Variants in STOX2 observed in about 807,000 individuals in gnomAD.
STOX2 encodes storkhead-box protein 2.
In STOX2, 28 loss-of-function variants were observed where a neutral mutation model predicts 60.9. That is an observed-to-expected ratio of 0.46 (90% CI 0.34 to 0.63). The LOEUF (loss-of-function observed/expected upper bound fraction) is 0.63. Ranked by LOEUF, STOX2 falls within the 30% of genes least tolerant of loss-of-function variation. The pLI, the probability that STOX2 is intolerant of heterozygous loss-of-function variation, is 0.01. For missense variants in STOX2, 1,024 were observed against 1,187.7 expected, an observed-to-expected ratio of 0.86 and a Z score of 2.03; for synonymous variants, 472 against 463.9, an observed-to-expected ratio of 1.02 and a Z score of -0.22.
intron 1 of STOX2, among the ~76,000 whole-genome samples, chr4:183,833,391 T>C (rs559527010): frequency 5.9e-5 from 9 of 152,202 alleles, no homozygotes; most frequent in African/African-American, 1.9e-4. Context: ...AAAAAGTTAT[T>C]TCCCCAGGTA....
intron 1 of STOX2, among the ~76,000 whole-genome samples, chr4:183,943,205 C>G (rs1445199757): frequency 2.6e-5 from 4 of 152,180 alleles, no homozygotes; most frequent in Non-Finnish European, 5.9e-5. Flanking sequence ...GTGTTTGCAA[C>G]TTGGCAATCC....
At chr4:183,838,884 T>G (rs973778250) in intron 1 of STOX2, among the ~76,000 whole-genome samples, 3 of 152,258 alleles carry the variant, frequency 2.0e-5, no homozygotes, top group African/African-American at 7.2e-5. Context: ...TGCAGAAGTC[T>G]TCACTTTGGA....
At chr4:183,951,054 A>G (rs1211583436) in intron 1 of STOX2, among the ~76,000 whole-genome samples, 2 of 151,770 alleles carry the variant, frequency 1.3e-5, no homozygotes, top group African/African-American at 4.8e-5. Flanking sequence ...TCTCTACTAA[A>G]AATACAAAAA....
chr4:183,800,610 G>A (rs886733395), intron 1 of STOX2, among the ~76,000 whole-genome samples: 1 of 152,158 alleles, frequency 6.6e-6, no homozygotes, highest in Non-Finnish European at 1.5e-5. Context: ...TTTACAGGAG[G>A]CGCATTACAT....
chr4:183,987,099 A>T (rs1340333766), intron 1 of STOX2, among the ~76,000 whole-genome samples: 1 of 152,172 alleles, frequency 6.6e-6, no homozygotes, highest in Non-Finnish European at 1.5e-5. Flanking sequence ...GAGCGGAGGC[A>T]GCGAGCGGTG....
At chr4:183,819,580 G>T (rs1281564652) in intron 1 of STOX2, among the ~76,000 whole-genome samples, 5 of 130,322 alleles carry the variant, frequency 3.8e-5, no homozygotes, top group African/African-American at 1.5e-4. Context: ...GAGGGGGAGG[G>T]GGAGGGAGAG....
chr4:183,915,219 T>C (rs547090255), intron 1 of STOX2, among the ~76,000 whole-genome samples: 1 of 152,216 alleles, frequency 6.6e-6, no homozygotes, highest in African/African-American at 2.4e-5. Flanking sequence ...ATCCGTCTGA[T>C]GGCCGTAGTT....
chr4:183,820,809 T>C (rs891397717), intron 1 of STOX2, among the ~76,000 whole-genome samples: 3 of 152,010 alleles, frequency 2.0e-5, no homozygotes, highest in African/African-American at 4.8e-5. Context: ...AAAAAAAGAA[T>C]GAAGCTAAGG....
At chr4:183,963,997 G>A (rs1318537074) in intron 1 of STOX2, among the ~76,000 whole-genome samples, 1 of 151,388 alleles carries the variant, frequency 6.6e-6, no homozygotes, top group Admixed American at 6.6e-5. Flanking sequence ...GGATGGTCTC[G>A]ATCTCCTGAC....
intron 1 of STOX2, among the ~76,000 whole-genome samples, chr4:183,953,010 G>A (rs945354533): frequency 3.9e-5 from 6 of 152,162 alleles, no homozygotes; most frequent in African/African-American, 1.4e-4. Flanking sequence ...GACACAGGGA[G>A]GGGAGCATCA....
rs557176843 is a variant in STOX2, at chr4:183,817,376, G to A, written c.364+19321G>A. 1.0e-3 allele frequency among the ~76,000 whole-genome samples: 157 copies of A among 152,298 alleles called. 3 individuals carry two copies. The highest frequency in any genetic ancestry group is 4.3e-4 in the Non-Finnish European group (29 of 68,024). On this transcript the variant is annotated intron_variant, in intron 1 of 2. Transcript: ENST00000513034. ...CCTTTGCATGCTGGCTGCAGGGTCC[G>A]TCCTTTGCTGGCGATCAGTGGGAAG...
At chr4:183,802,132 T>G (rs1738778479) in intron 1 of STOX2, among the ~76,000 whole-genome samples, 1 of 152,286 alleles carries the variant, frequency 6.6e-6, no homozygotes, top group South Asian at 2.1e-4. Flanking sequence ...GGAGCACAGG[T>G]GCATCTCTGT....
chr4:183,934,905 G>A (rs1006017028), intron 1 of STOX2, among the ~76,000 whole-genome samples: 3 of 152,214 alleles, frequency 2.0e-5, no homozygotes, highest in Non-Finnish European at 4.4e-5. Flanking sequence ...TGGGGGTATC[G>A]CTATGAACGC....
In STOX2 at chr4:183,820,819, G is replaced by C. The variant is rs561580507; in HGVS notation, c.364+22764G>C. On this transcript the variant is annotated intron_variant, in intron 1 of 2. Coordinates refer to the STOX2 transcript ENST00000513034. ...AGATTAAAAAAAGAATGAAGCTAAG[G>C]AGTGTTTTGGCAGAGCACGGTGGTT... Among the ~76,000 whole-genome samples the C allele has an allele frequency of 2.0e-5, 3 of 152,236 alleles. No individual in the cohort carries two copies. The South Asian group carries it at 6.2e-4, about 32-fold the overall frequency.
intron 1 of STOX2, among the ~76,000 whole-genome samples, chr4:183,833,635 T>TG (rs1491457802): frequency 1.6e-4 from 18 of 112,610 alleles, no homozygotes; most frequent in African/African-American, 1.0e-3. Context: ...TCTGCAGGAG[T>TG]TTTTTTTTTT....
intron 1 of STOX2, among the ~76,000 whole-genome samples, chr4:183,912,330 T>C (rs1004737221): frequency 2.0e-5 from 3 of 152,192 alleles, no homozygotes; most frequent in African/African-American, 7.2e-5. Flanking sequence ...GTGGATGAAA[T>C]CATAGACCAG....
chr4:184,005,394 G>A (rs1484868742), intron 2 of STOX2, among the ~76,000 whole-genome samples: 1 of 148,976 alleles, frequency 6.7e-6, no homozygotes, highest in Non-Finnish European at 1.5e-5. Context: ...GGAGGTGGAG[G>A]TTTCAGTGAG....
At chr4:184,014,110 C>CAAAA (rs10527539) in intron 3 of STOX2, 5 of 138,638 alleles carry the variant, frequency 3.6e-5, no homozygotes, top group African/African-American at 1.1e-4. Context: ...AAGCCCCAAC[C>CAAAA]AAAAAAAAAA....
intron 1 of STOX2, among the ~76,000 whole-genome samples, chr4:183,942,782 T>C (rs964700428): frequency 4.6e-5 from 7 of 152,204 alleles, no homozygotes; most frequent in Non-Finnish European, 8.8e-5. Context: ...AAAGATTTTC[T>C]ATATCATGTG....
Sources: allele counts gnomAD v4.1 joint callset (sites outside exome capture counted in the v4.1 genomes callset), GRCh38; gene constraint gnomAD v4.1.1; transcripts MANE v1.5; gene names NCBI Gene and HGNC (gene_info 2026-07-23, HGNC 2026-07-21).